DGAT2: variants seen among roughly 807,000 people sequenced by gnomAD.
The protein encoded by DGAT2 is diacylglycerol O-acyltransferase 2.
Under a neutral mutation model 48.4 loss-of-function variants are expected in DGAT2, and 33 were observed. The ratio of observed to expected loss-of-function variants is 0.68; its 90% CI spans 0.52 to 0.91. The LOEUF is 0.91. Among genes scored for constraint, DGAT2 ranks in the 40% least tolerant of loss-of-function variants. The pLI is 0.00. For missense variants in DGAT2, 446 were observed against 493.7 expected (o/e 0.90, Z 0.92); for synonymous variants, 191 against 194.1 (o/e 0.98, Z 0.13).
chr11:75,791,877 C>A (rs1286675202), intron 4 of DGAT2, among the ~76,000 whole-genome samples: 5 of 152,242 alleles, frequency 3.3e-5, no homozygotes, highest in Non-Finnish European at 7.3e-5. Flanking sequence ...TCCTGATAGA[C>A]TTTGTCACTT....
rs191316208 is a variant in DGAT2 at position 75,801,317 on chromosome 11, A to T, written c.*809A>T. 3 of 152,540 alleles carry T rather than the reference A, an allele frequency of 2.0e-5. No individual in the cohort carries two copies. The highest frequency in any genetic ancestry group is 7.2e-5 in the African/African-American group (3 of 41,390). 9.4% of individuals were successfully genotyped at this position (152,540 alleles called of 1,614,324 possible). A position where few individuals can be genotyped will look rare whatever the true frequency, so the allele number is the denominator to read the frequency against. On this transcript the variant is annotated 3_prime_UTR_variant, in exon 8 of 8. Transcript: ENST00000228027. ...CCTAGATTCTGGATGTGAGGAAGAG[A>T]TCCCTCTTCAGAAGGGGCCTGGCCT...
intron 1 of DGAT2, among the ~76,000 whole-genome samples, chr11:75,783,847 G>A (rs987806168): frequency 7.2e-5 from 11 of 152,150 alleles, no homozygotes; most frequent in African/African-American, 1.7e-4. Context: ...GGCACATCTC[G>A]TCCTAACTTC....
Position 75,797,096 on chromosome 11 carries a change from T to A in DGAT2, c.635-62T>A, listed in dbSNP as rs370215844. Reference sequence around the variant, plus strand: ...TCTTTATGTTTTATACCTGACTGTGTGCCGGGGATGGGGAGTGGATCCATG... The same window carrying A: ...TCTTTATGTTTTATACCTGACTGTGAGCCGGGGATGGGGAGTGGATCCATG... On this transcript the variant is annotated intron_variant, in intron 5 of 7. Coordinates refer to ENST00000228027, the MANE Select transcript of DGAT2 (RefSeq NM_032564.5). The A allele has an allele frequency of 3.5e-6, 5 of 1,416,618 alleles. No homozygotes were observed. In the African/African-American group the frequency reaches 7.4e-5, roughly 21 times the overall value. 87.8% of individuals were successfully genotyped at this position (1,416,618 alleles called of 1,614,324 possible).
At chr11:75,782,965 A>C (rs980544947) in intron 1 of DGAT2, among the ~76,000 whole-genome samples, 10 of 152,372 alleles carry the variant, frequency 6.6e-5, no homozygotes, top group East Asian at 5.8e-4. Context: ...TCAGGCTCTA[A>C]GATGGGTTGC....
At chr11:75,796,584 C>CCTCTCCAT in intron 5 of DGAT2, 52 bp downstream of exon 5, 1 of 1,569,162 alleles carries the variant, frequency 6.4e-7, no homozygotes, top group East Asian at 2.3e-5. Context: ...AAGGCCTGAG[C>CCTCTCCAT]CTCTCCATCG....
At chr11:75,797,607 CCAGA>C (rs1945071202) in intron 6 of DGAT2, among the ~76,000 whole-genome samples, 1 of 152,140 alleles carries the variant, frequency 6.6e-6, no homozygotes, top group Admixed American at 6.5e-5. Context: ...CCACCTGGGG[CCAGA>C]ATATATCATT....
At chr11:75,790,810 G>T in intron 4 of DGAT2, 79 bp downstream of exon 4, 1 of 1,468,932 alleles carries the variant, frequency 6.8e-7, no homozygotes, top group Non-Finnish European at 9.5e-7. Flanking sequence ...CACCCACAGG[G>T]AAGCAAGTTT....
At chr11:75,785,573 CT>C (rs1303911054) in intron 2 of DGAT2, among the ~76,000 whole-genome samples, 2 of 152,242 alleles carry the variant, frequency 1.3e-5, no homozygotes, top group African/African-American at 4.8e-5. Context: ...GAAGAAGCCT[CT>C]TGTTTTTCCC....
In DGAT2 at chr11:75,796,372, T is replaced by C; in HGVS notation, c.474T>C (p.Phe158=). 6.2e-7 allele frequency: 1 copy of C among 1,614,142 alleles called. No individual in the cohort carries two copies. Among genetic ancestry groups the C allele is most frequent in the Non-Finnish European group, 8.5e-7 (1 of 1,180,010 alleles). The change falls in exon 5 of 8, where the codon TTT becomes TTC. Residue 158 remains phenylalanine (F), a synonymous_variant. Transcript: ENST00000228027. The part of the protein sequence containing the change: ...HNLLTTRNYI[F]GYHPHGIMGL... ...TGCTGACCACCAGGAACTATATCTT[T>C]GGATACCACCCCCATGGTATCATGG...
chr11:75,790,331 C>A, intron 3 of DGAT2, 36 bp downstream of exon 3: 2 of 1,520,172 alleles, frequency 1.3e-6, no homozygotes, highest in Non-Finnish European at 1.8e-6. Flanking sequence ...ACCTCTCATT[C>A]TAGGGATGCT....
At chr11:75,800,105 G>A (rs1179257140) in intron 7 of DGAT2, among the ~76,000 whole-genome samples, 2 of 152,170 alleles carry the variant, frequency 1.3e-5, no homozygotes, top group Non-Finnish European at 2.9e-5. Flanking sequence ...AGAATGCAGT[G>A]GGTTCAACCA....
At chr11:75,784,893 T>A (rs1944905171) in intron 2 of DGAT2, 147 bp downstream of exon 2, 1 of 1,162,242 alleles carries the variant, frequency 8.6e-7, no homozygotes, top group Admixed American at 2.4e-5. Context: ...ACATCTATCT[T>A]TTGGGTCCCA....
chr11:75,776,588 C>G (rs1008553760), intron 1 of DGAT2: 21 of 152,224 alleles, frequency 1.4e-4, no homozygotes, highest in Non-Finnish European at 4.4e-5. Context: ...CCTGGAGGCA[C>G]TGCAGTGAAG....
chr11:75,787,552 C>A (rs1262304021), intron 2 of DGAT2, among the ~76,000 whole-genome samples: 1 of 152,210 alleles, frequency 6.6e-6, no homozygotes, highest in Admixed American at 6.5e-5. Context: ...CTGAGCCTTC[C>A]ATGTGTGGGG....
At chr11:75,786,456 G>A (rs1944923739) in intron 2 of DGAT2, among the ~76,000 whole-genome samples, 1 of 152,116 alleles carries the variant, frequency 6.6e-6, no homozygotes, top group Non-Finnish European at 1.5e-5. Context: ...CACTATCCCT[G>A]TCTTAATGGG....
intron 1 of DGAT2, among the ~76,000 whole-genome samples, chr11:75,780,428 T>C (rs1251356319): frequency 6.6e-6 from 1 of 151,990 alleles, no homozygotes; most frequent in African/African-American, 2.4e-5. Flanking sequence ...CTCAGGAGGG[T>C]GGGTGCCAGA....
At position 75,787,801 on chromosome 11, in the gene DGAT2, G is replaced by A. The variant is rs116374696; in HGVS notation, c.251-2387G>A. ...CCCAAGGAGCTCGGGCTGAAGGGCT[G>A]TCTGTTAGTGGGAGTCCAATGAGGG... On this transcript the variant is annotated intron_variant, in intron 2 of 7. Transcript: ENST00000228027. 1.5e-3 allele frequency among the ~76,000 whole-genome samples: 222 copies of A among 152,368 alleles called. 1 individual carries two copies. The highest frequency in any genetic ancestry group is 5.0e-3 in the African/African-American group (209 of 41,584).
chr11:75,775,113 T>C (rs1944792234), intron 1 of DGAT2, among the ~76,000 whole-genome samples: 1 of 152,230 alleles, frequency 6.6e-6, no homozygotes, highest in Non-Finnish European at 1.5e-5. Flanking sequence ...GGAGATCTTC[T>C]GTGGATAAAA....
rs1161276016 is a variant in DGAT2, at chr11:75,798,315, C to G, written c.898C>G (p.Gln300Glu). ...FEEGSWGRWVQKKFQKYIGFA... is the reference protein window; with the variant it reads ...FEEGSWGRWVEKKFQKYIGFA... ...GGAGGGCTCCTGGGGCCGATGGGTC[C>G]AGAAGAAGTTCCAGAAATACATTGG... is the stretch of plus-strand genomic sequence containing the variant. Residue 300 changes from glutamine (Q) to glutamate (E), a missense_variant, in exon 7 of 8, where the codon CAG (glutamine) becomes GAG (glutamate). Coordinates refer to ENST00000228027, the MANE Select transcript of DGAT2 (RefSeq NM_032564.5). 1.9e-6 allele frequency: 3 copies of G among 1,614,184 alleles called. No individual in the cohort carries two copies. The highest frequency in any genetic ancestry group is 2.5e-6 in the Non-Finnish European group (3 of 1,180,028).
Sources: gnomAD v4.1 joint callset for allele counts (sites outside exome capture counted in the v4.1 genomes callset) on GRCh38, gnomAD v4.1.1 for gene constraint, MANE v1.5 for transcripts, NCBI Gene and HGNC (gene_info 2026-07-23, HGNC 2026-07-21) for gene names.